SMARCD1: variants seen among roughly 807,000 people sequenced by gnomAD.
The protein encoded by SMARCD1 is SWI/SNF related BAF chromatin remodeling complex subunit D1.
A neutral mutation model predicts 70.8 loss-of-function variants in SMARCD1; 16 were observed. The observed-to-expected ratio is 0.23, with a 90% CI of 0.15 to 0.34. SMARCD1 has a LOEUF of 0.34. Ranked by LOEUF, SMARCD1 falls within the 10% of genes least tolerant of loss-of-function variation. SMARCD1 has a pLI of 1.00. For synonymous variants in SMARCD1, 249 were observed against 246.0 expected, an observed-to-expected ratio of 1.01 and a Z score of -0.11; for missense variants, 409 against 655.5, an observed-to-expected ratio of 0.62 and a Z score of 4.11.
At chr12:50,092,235 C>CTTTTTTTTTTTTTTTTTTTTTTT (rs60619880) in intron 9 of SMARCD1, among the ~76,000 whole-genome samples, 23 of 91,146 alleles carry the variant, frequency 2.5e-4, no homozygotes, top group Non-Finnish European at 2.8e-4. Flanking sequence ...TTCTTTCTTT[C>CTTTTTTTTTTTTTTTTTTTTTTT]TTTTTTTTTT....
chr12:50,094,021 G>A (rs558456133), intron 9 of SMARCD1, among the ~76,000 whole-genome samples: 1 of 152,286 alleles, frequency 6.6e-6, no homozygotes, highest in African/African-American at 2.4e-5. Flanking sequence ...AAAGTGCTGG[G>A]ATTACAGGCA....
chr12:50,087,847 C>A (rs1239889405), intron 5 of SMARCD1, among the ~76,000 whole-genome samples: 1 of 151,942 alleles, frequency 6.6e-6, no homozygotes, highest in African/African-American at 2.4e-5. Flanking sequence ...TGTGGTATCT[C>A]CATCTTCTCA....
At chr12:50,091,089 G>A (rs984575907) in intron 9 of SMARCD1, among the ~76,000 whole-genome samples, 1 of 152,026 alleles carries the variant, frequency 6.6e-6, no homozygotes, top group East Asian at 1.9e-4. Context: ...TGATCTGCCC[G>A]CCTCGGCCTC....
chr12:50,088,445 T>A (rs1254254610), intron 5 of SMARCD1, 76 bp from the exon 6 acceptor site: 1 of 787,848 alleles, frequency 1.3e-6, no homozygotes, highest in African/African-American at 1.7e-5. Context: ...TTGTTGGGGT[T>A]CCTTTTTCAT....
chr12:50,085,423 C>T lies in SMARCD1; in HGVS notation c.54C>T (p.Ala18=), dbSNP rs780226982. The part of the protein sequence containing the change: ...QSVAPSGGAG[A]SGGAGAAAAL... ...TGGCTCCAAGCGGCGGCGCCGGAGC[C>T]TCAGGAGGGGCGGGCGCGGCTGCTG... Residue 18 remains alanine, a synonymous_variant, in exon 1 of 13, where the codon GCC becomes GCT. Coordinates refer to ENST00000394963, the MANE Select transcript of SMARCD1 (RefSeq NM_003076.5). 5.6e-6 allele frequency: 7 copies of T among 1,251,614 alleles called. No homozygotes were observed. Among genetic ancestry groups the T allele is most frequent in the African/African-American group, 1.5e-5 (1 of 64,850 alleles). 77.5% of individuals were successfully genotyped at this position (1,251,614 alleles called of 1,614,324 possible).
chr12:50,092,591 AAAGAT>A (rs1403270785), intron 9 of SMARCD1, among the ~76,000 whole-genome samples: 2 of 151,928 alleles, frequency 1.3e-5, no homozygotes, highest in African/African-American at 4.8e-5. Flanking sequence ...AAAAAAGAAA[AAAGAT>A]AAGACCCTGA....
chr12:50,095,824 C>T (rs745558753), intron 10 of SMARCD1, among the ~76,000 whole-genome samples: 4 of 152,092 alleles, frequency 2.6e-5, no homozygotes, highest in South Asian at 2.1e-4. Context: ...GTGCCGAGGA[C>T]GGGATGTTTT....
intron 4 of SMARCD1, 115 bp downstream of exon 4, chr12:50,086,993 T>A: frequency 1.9e-6 from 2 of 1,068,586 alleles, no homozygotes; most frequent in Non-Finnish European, 2.7e-6. Flanking sequence ...TTAAATTGCA[T>A]CTCTCCCTTC....
chr12:50,099,017 C>G lies in SMARCD1; in HGVS notation c.*17C>G. On this transcript the variant is annotated 3_prime_UTR_variant, in exon 13 of 13. Transcript: ENST00000394963. ...AATACATAGGGCCTCTCCCACAGCCCTGATTCGACTGCACCAATTCTTGAT... is the reference window on the plus strand; with the variant it reads ...AATACATAGGGCCTCTCCCACAGCCGTGATTCGACTGCACCAATTCTTGAT... 1.9e-6 allele frequency: 3 copies of G among 1,612,374 alleles called. No individual in the cohort carries two copies. Among genetic ancestry groups the G allele is most frequent in the Non-Finnish European group, 2.5e-6 (3 of 1,178,452 alleles).
Position 50,087,229 on chromosome 12 carries a change from T to C in SMARCD1, c.532-134T>C. 3.7e-6 allele frequency: 4 copies of C among 1,074,160 alleles called. No homozygotes were observed. In the South Asian group the frequency reaches 6.1e-5, roughly 16 times the overall value. 66.5% of individuals were successfully genotyped at this position (1,074,160 alleles called of 1,614,324 possible). ...AGTACTCCTCTTCTAAATGGAATCTTCATCCACCCACCCAAGGGACTGGGT... is the reference window on the plus strand; with the variant it reads ...AGTACTCCTCTTCTAAATGGAATCTCCATCCACCCACCCAAGGGACTGGGT... On this transcript the variant is annotated intron_variant, in intron 4 of 12. Coordinates refer to ENST00000394963, the MANE Select transcript of SMARCD1 (RefSeq NM_003076.5).
chr12:50,087,582 G>C lies in SMARCD1; in HGVS notation c.654+97G>C, dbSNP rs1036422247. 2.1e-6 allele frequency: 3 copies of C among 1,420,276 alleles called. No individual in the cohort carries two copies. In the African/African-American group the frequency reaches 4.3e-5, roughly 20 times the overall value. The allele number at this position is 1,420,276 out of a possible 1,614,324, so 88.0% of individuals were successfully genotyped here. A position where few individuals can be genotyped will look rare whatever the true frequency, so the allele number is the denominator to read the frequency against. On this transcript the variant is annotated intron_variant, in intron 5 of 12. Transcript: ENST00000394963. ...GCAGGAAGCCTAACTGGTGCTCACAGCTCCTTTTGGGAGCAGTAAGGAGAG... is the reference window on the plus strand; with the variant it reads ...GCAGGAAGCCTAACTGGTGCTCACACCTCCTTTTGGGAGCAGTAAGGAGAG...
chr12:50,095,997 C>A (rs558196216), intron 10 of SMARCD1, among the ~76,000 whole-genome samples: 6 of 152,058 alleles, frequency 3.9e-5, no homozygotes, highest in Admixed American at 6.6e-5. Context: ...TGATCACTTG[C>A]AGGAAGGTGG....
chr12:50,099,057 G>T lies in SMARCD1; in HGVS notation c.*57G>T. On this transcript the variant is annotated 3_prime_UTR_variant, in exon 13 of 13. Transcript: ENST00000394963. ...CAATTCTTGATTTGGGCCCTGTGCT[G>T]CCTGCCTCATAGTATCTGCCTTGGT... is the stretch of plus-strand genomic sequence containing the variant. 6.5e-7 allele frequency: 1 copy of T among 1,530,944 alleles called. No individual in the cohort carries two copies. Among genetic ancestry groups the T allele is most frequent in the Non-Finnish European group, 9.0e-7 (1 of 1,105,026 alleles). The allele number at this position is 1,530,944 out of a possible 1,614,324, so 94.8% of individuals were successfully genotyped here.
chr12:50,091,600 T>C (rs1469168604), intron 9 of SMARCD1, among the ~76,000 whole-genome samples: 1 of 148,072 alleles, frequency 6.8e-6, no homozygotes, highest in Non-Finnish European at 1.5e-5. Flanking sequence ...TTTTGAGATG[T>C]AGTTTTGCTC....
chr12:50,090,403 G>GT lies in SMARCD1; in HGVS notation c.1035+2dup. 6.2e-7 allele frequency: 1 copy of GT among 1,613,932 alleles called. No homozygotes were observed. The highest frequency in any genetic ancestry group is 8.5e-7 in the Non-Finnish European group (1 of 1,179,900). ...CATCTGTGACAAGTACCTGCAGCAG[G>GT]TAAGTAATGGACCCATTCTTTTGCT... is the stretch of plus-strand genomic sequence containing the variant. On this transcript the variant is annotated splice_donor_variant, in intron 8 of 12. Coordinates refer to ENST00000394963, the MANE Select transcript of SMARCD1 (RefSeq NM_003076.5). LOFTEE classifies it high-confidence loss of function.
chr12:50,085,655 C>T (rs1592285669), intron 1 of SMARCD1, 109 bp downstream of exon 1: 1 of 51,168 alleles, frequency 2.0e-5, no homozygotes, highest in Non-Finnish European at 3.2e-5. Context: ...GGGAGGGGTT[C>T]GGGCTCTGGG....
intron 1 of SMARCD1, chr12:50,085,792 G>A (rs78073502): frequency 0.016 from 6,218 of 398,406 alleles, 341 homozygotes; most frequent in African/African-American, 0.11. Flanking sequence ...AGGGATACCT[G>A]TATGAGGGCC....
chr12:50,100,381 CACTGGGG>C lies in SMARCD1; in HGVS notation c.*1384_*1390del, dbSNP rs1950930346. The stretch of plus-strand genomic sequence containing the variant: ...CACCCCCAAATCCCTCCCTGTTCTA[CACTGGGG>C]ACAGCAGAATTTTCTCCCCGTCTTC... On this transcript the variant is annotated 3_prime_UTR_variant, in exon 13 of 13. Coordinates refer to ENST00000394963, the MANE Select transcript of SMARCD1 (RefSeq NM_003076.5). 2 of 146,562 alleles carry C rather than the reference CACTGGGG, an allele frequency of 1.4e-5. No homozygotes were observed. Among genetic ancestry groups the C allele is most frequent in the South Asian group, 4.6e-4 (2 of 4,334 alleles). 9.1% of individuals were successfully genotyped at this position (146,562 alleles called of 1,614,324 possible).
In SMARCD1 at chr12:50,100,044, T is replaced by G. The variant is rs1392494623; in HGVS notation, c.*1044T>G. ...TGGGTTTGTGACTCTTCCCTCTCCC[T>G]GCCTCACAGGATTGTGACTCCCCAG... On this transcript the variant is annotated 3_prime_UTR_variant, in exon 13 of 13. Transcript: ENST00000394963. 6.5e-6 allele frequency: 1 copy of G among 152,784 alleles called. No homozygotes were observed. The highest frequency in any genetic ancestry group is 1.5e-5 in the Non-Finnish European group (1 of 68,200). The allele number at this position is 152,784 out of a possible 1,614,324, so 9.5% of individuals were successfully genotyped here. A position where few individuals can be genotyped will look rare whatever the true frequency, so the allele number is the denominator to read the frequency against.
Sources: gnomAD v4.1 joint callset for allele counts (sites outside exome capture counted in the v4.1 genomes callset) on GRCh38, gnomAD v4.1.1 for gene constraint, MANE v1.5 for transcripts, NCBI Gene and HGNC (gene_info 2026-07-23, HGNC 2026-07-21) for gene names.